Variants in AGAP1 observed in about 807,000 individuals in gnomAD.
The protein encoded by AGAP1 is arf-GAP with GTPase, ANK repeat and PH domain-containing protein 1.
A neutral mutation model predicts 105.3 loss-of-function variants in AGAP1; 29 were observed. That is an observed-to-expected ratio of 0.28 (90% confidence interval 0.21 to 0.38). The LOEUF is 0.38. AGAP1 is among the 10% of genes least tolerant of loss of function. The pLI is 1.00. For missense variants in AGAP1, 998 were observed against 1,165.1 expected (o/e 0.86, Z 2.09); for synonymous variants, 509 against 485.9 (o/e 1.05, Z -0.63).
intron 9 of AGAP1, among the ~76,000 whole-genome samples, chr2:235,818,405 C>T (rs1332444066): frequency 2.0e-5 from 3 of 152,174 alleles, no homozygotes; most frequent in East Asian, 1.9e-4. Flanking sequence ...ATCCCCTTCC[C>T]GCCCCATGCC....
intron 1 of AGAP1, among the ~76,000 whole-genome samples, chr2:235,527,597 A>C (rs1417731714): frequency 7.9e-5 from 12 of 152,094 alleles, no homozygotes; most frequent in Non-Finnish European, 2.9e-5. Context: ...CTCTGTTGTC[A>C]GGCTGGTTTT....
At chr2:235,921,466 A>G (rs1416398876) in intron 11 of AGAP1, among the ~76,000 whole-genome samples, 4 of 152,234 alleles carry the variant, frequency 2.6e-5, no homozygotes, top group African/African-American at 9.6e-5. Flanking sequence ...TAACAGTACA[A>G]CAAAATAGGC....
chr2:236,004,382 T>A (rs932316067), intron 13 of AGAP1, among the ~76,000 whole-genome samples: 3 of 152,186 alleles, frequency 2.0e-5, no homozygotes, highest in Admixed American at 6.5e-5. Context: ...AAGCACAAAC[T>A]TTTTTTCCCA....
chr2:236,075,258 T>A (rs1253909741), intron 16 of AGAP1, among the ~76,000 whole-genome samples: 2 of 152,094 alleles, frequency 1.3e-5, no homozygotes, highest in Non-Finnish European at 2.9e-5. Flanking sequence ...CTGGGTTTTT[T>A]TTACTAGAAA....
chr2:235,821,291 G>T (rs1307964112), intron 9 of AGAP1, among the ~76,000 whole-genome samples: 1 of 151,902 alleles, frequency 6.6e-6, no homozygotes, highest in Non-Finnish European at 1.5e-5. Flanking sequence ...ATAATAATTG[G>T]AGCATGAAAA....
Position 236,096,365 on chromosome 2 carries a change from GT to G in AGAP1, c.2115-23826del, listed in dbSNP as rs779170303. Among the ~76,000 whole-genome samples, 9 of 151,882 alleles carry G rather than the reference GT, an allele frequency of 5.9e-5. No homozygotes were observed. Among genetic ancestry groups the G allele is most frequent in the Non-Finnish European group, 1.3e-4 (9 of 68,004 alleles). On this transcript the variant is annotated intron_variant, in intron 16 of 17. Coordinates refer to ENST00000304032, the MANE Select transcript of AGAP1 (RefSeq NM_001037131.3). The surrounding 1 kb of genome is among the most constrained non-coding windows in gnomAD (Gnocchi z 4.4). ...AAAATACAAAAATTAGCTGGGCATG[GT>G]GGTGTGCACCCATAATCCCAACTAC...
chr2:235,815,707 A>G (rs1046271063), intron 9 of AGAP1, among the ~76,000 whole-genome samples: 16 of 152,198 alleles, frequency 1.1e-4, no homozygotes, highest in Admixed American at 6.5e-5. Flanking sequence ...AAGAGGCCGC[A>G]TGCGTTAGAT....
intron 1 of AGAP1, among the ~76,000 whole-genome samples, chr2:235,676,235 T>C (rs897637023): frequency 2.0e-5 from 3 of 152,200 alleles, no homozygotes; most frequent in Non-Finnish European, 4.4e-5. Context: ...CTGCATAGCA[T>C]ATCTCCATTA....
chr2:235,670,520 G>A lies in AGAP1; in HGVS notation c.164-38659G>A, dbSNP rs1353475896. On this transcript the variant is annotated intron_variant, in intron 1 of 17. Coordinates refer to ENST00000304032, the MANE Select transcript of AGAP1 (RefSeq NM_001037131.3). ...CTCGCCCGCGTCCGGCAGCCCCGAC[G>A]TGGAGGGGGCCCGGGCCGCGCCCCT... is the stretch of plus-strand genomic sequence containing the variant. The A allele has an allele frequency of 1.2e-5, 6 of 491,372 alleles. No homozygotes were observed. The East Asian group carries it at 2.2e-4, about 18-fold the overall frequency. The allele number at this position is 491,372 out of a possible 1,614,324, so 30.4% of individuals were successfully genotyped here.
chr2:235,862,763 T>C (rs10929149), intron 9 of AGAP1, among the ~76,000 whole-genome samples: 119,390 of 152,188 alleles, frequency 0.78, 47,053 homozygotes, highest in East Asian at 1. Flanking sequence ...ATATGCACCT[T>C]TGAACTTCCG....
intron 6 of AGAP1, among the ~76,000 whole-genome samples, chr2:235,759,415 C>G (rs377591382): frequency 6.6e-6 from 1 of 151,980 alleles, no homozygotes; most frequent in Admixed American, 6.5e-5. Context: ...GTGATCCGCC[C>G]GCCTTGGCCT....
In AGAP1 at chr2:235,716,147, A is replaced by T. The variant is rs968838353; in HGVS notation, c.223-1410A>T. Among the ~76,000 whole-genome samples the T allele has an allele frequency of 6.6e-6, 1 of 152,150 alleles. No homozygotes were observed. Among genetic ancestry groups the T allele is most frequent in the African/African-American group, 2.4e-5 (1 of 41,434 alleles). On this transcript the variant is annotated intron_variant, in intron 2 of 17. Transcript: ENST00000304032. This position sits in a 1 kb window ranked among gnomAD's most constrained non-coding sequence, Gnocchi z 4.0. ...GGTGTCTCCTGTTAAATGGAATCGC[A>T]GCTCATTGAGAGAAGGTTGGATGTG...
At chr2:235,942,138 G>T (rs1454495466) in intron 12 of AGAP1, among the ~76,000 whole-genome samples, 1 of 152,148 alleles carries the variant, frequency 6.6e-6, no homozygotes, top group African/African-American at 2.4e-5. Flanking sequence ...GATTTGAAAA[G>T]ATCCCTCTTG....
rs371174563 is a variant in AGAP1, at chr2:235,626,168, C to T, written c.164-83011C>T. ...GTCTAGACCAGCCTGGCCAACATGA[C>T]GAAACCCCATCTCTACTAAAAATAC... is the stretch of plus-strand genomic sequence containing the variant. On this transcript the variant is annotated intron_variant, in intron 1 of 17. Transcript: ENST00000304032. Among the ~76,000 whole-genome samples the T allele has an allele frequency of 4.0e-5, 6 of 150,442 alleles. No individual in the cohort carries two copies. The South Asian group carries it at 1.3e-3, about 32-fold the overall frequency.
intron 9 of AGAP1, among the ~76,000 whole-genome samples, chr2:235,849,295 C>A (rs1961873859): frequency 6.6e-6 from 1 of 152,222 alleles, no homozygotes; most frequent in Admixed American, 6.5e-5. Flanking sequence ...GGAAAAGTTG[C>A]AAGTGTCTTC....
At chr2:236,054,469 A>G (rs1324568884) in intron 16 of AGAP1, among the ~76,000 whole-genome samples, 1 of 105,412 alleles carries the variant, frequency 9.5e-6, no homozygotes, top group East Asian at 2.7e-4. Context: ...ACCTTTTCCT[A>G]TTTTCTTTCT....
At chr2:236,079,560 AC>A (rs34766282) in intron 16 of AGAP1, among the ~76,000 whole-genome samples, 17,709 of 151,432 alleles carry the variant, frequency 0.12, 1,806 homozygotes, top group African/African-American at 0.27. Context: ...ATATACACAC[AC>A]ACACACACAT....
chr2:235,777,609 A>G lies in AGAP1; in HGVS notation c.674-20150A>G, dbSNP rs553587009. Among the ~76,000 whole-genome samples, 17 of 152,020 alleles carry G rather than the reference A, an allele frequency of 1.1e-4. No individual in the cohort carries two copies. The highest frequency in any genetic ancestry group is 3.9e-4 in the Admixed American group (6 of 15,264). On this transcript the variant is annotated intron_variant, in intron 6 of 17. Coordinates refer to ENST00000304032, the MANE Select transcript of AGAP1 (RefSeq NM_001037131.3). This position sits in a 1 kb window ranked among gnomAD's most constrained non-coding sequence, Gnocchi z 5.1. ...CAGCTGTCTCACCTGCACCCCTCCA[A>G]TCGCCTTCTCAGAATCCGACGCTGG...
At chr2:235,774,726 T>C (rs1031294638) in intron 6 of AGAP1, among the ~76,000 whole-genome samples, 1 of 152,150 alleles carries the variant, frequency 6.6e-6, no homozygotes, top group Non-Finnish European at 1.5e-5. Context: ...ATGAACTTAT[T>C]TTGGTCTTTT....
Sources: allele counts gnomAD v4.1 joint callset (sites outside exome capture counted in the v4.1 genomes callset), GRCh38; gene constraint gnomAD v4.1.1; non-coding constraint Gnocchi (gnomAD v3.1); transcripts MANE v1.5; gene names NCBI Gene and HGNC (gene_info 2026-07-23, HGNC 2026-07-21).